ABTB3: variants seen among roughly 807,000 people sequenced by gnomAD.
The protein encoded by ABTB3 is ankyrin repeat and BTB domain containing 3, also known as ankyrin repeat- and BTB/POZ domain-containing protein 3.
chr12:107,389,969 T>C, the ABTB3 span, among the ~76,000 whole-genome samples: 1 of 152,088 alleles, frequency 6.6e-6, no homozygotes, highest in African/African-American at 2.4e-5. Context: ...GTGTTCTCTC[T>C]GCATGGTCTT....
At chr12:107,395,503 T>G in the ABTB3 span, among the ~76,000 whole-genome samples, 1 of 152,158 alleles carries the variant, frequency 6.6e-6, no homozygotes, top group Non-Finnish European at 1.5e-5. Flanking sequence ...TCACACTAGT[T>G]TTGTTAAACA....
At chr12:107,462,103 C>T in the ABTB3 span, among the ~76,000 whole-genome samples, 1 of 152,254 alleles carries the variant, frequency 6.6e-6, no homozygotes, top group East Asian at 1.9e-4. Flanking sequence ...TTTAGAAATT[C>T]CTTAGTAGAA....
chr12:107,381,098 C>T, the ABTB3 span, among the ~76,000 whole-genome samples: 107 of 151,206 alleles, frequency 7.1e-4, 1 homozygote, highest in African/African-American at 2.5e-3. Flanking sequence ...CACCCCCCAT[C>T]ATTACTCTCT....
the ABTB3 span, among the ~76,000 whole-genome samples, chr12:107,451,841 C>T: frequency 6.6e-6 from 1 of 152,218 alleles, no homozygotes; most frequent in Non-Finnish European, 1.5e-5. Flanking sequence ...ATAACAATCG[C>T]TAACAGGTGT....
chr12:107,533,990 A>G, the ABTB3 span, among the ~76,000 whole-genome samples: 2 of 152,238 alleles, frequency 1.3e-5, no homozygotes, highest in East Asian at 1.9e-4. Context: ...ATACATGGAC[A>G]CTAAACAACA....
At chr12:107,588,596 C>T in the ABTB3 span, among the ~76,000 whole-genome samples, 1 of 152,166 alleles carries the variant, frequency 6.6e-6, no homozygotes, top group Non-Finnish European at 1.5e-5. Flanking sequence ...TCTCAGCTCA[C>T]CTCAACCTCC....
chr12:107,620,262 G>A, the ABTB3 span: 1 of 1,466,828 alleles, frequency 6.8e-7, no homozygotes, highest in Non-Finnish European at 9.3e-7. Flanking sequence ...CCCTTTGAGT[G>A]GGATCACTAC....
chr12:107,339,998 G>T, the ABTB3 span, among the ~76,000 whole-genome samples: 4 of 151,584 alleles, frequency 2.6e-5, no homozygotes, highest in Admixed American at 2.0e-4. Flanking sequence ...TGAGGGCTCT[G>T]ATTTATCTGC....
the ABTB3 span, among the ~76,000 whole-genome samples, chr12:107,593,196 GT>G: frequency 2.0e-4 from 31 of 152,184 alleles, no homozygotes; most frequent in African/African-American, 6.8e-4. Context: ...AAGTAAAGTT[GT>G]GTGGGAAAAC....
chr12:107,613,018 C>T, the ABTB3 span: 1 of 757,684 alleles, frequency 1.3e-6, no homozygotes, highest in Non-Finnish European at 2.1e-6. Flanking sequence ...GTTGCTGTGG[C>T]CCTGGTGAGA....
chr12:107,620,031 C>T, the ABTB3 span: 1 of 1,614,116 alleles, frequency 6.2e-7, no homozygotes, highest in East Asian at 2.2e-5. Context: ...TTGCGGATCG[C>T]CTTCCAGCAG....
At chr12:107,583,518 ATTT>A in the ABTB3 span, among the ~76,000 whole-genome samples, 1 of 152,130 alleles carries the variant, frequency 6.6e-6, no homozygotes, top group Non-Finnish European at 1.5e-5. Flanking sequence ...ACCATGTGTC[ATTT>A]TTCTGCTCTC....
the ABTB3 span, among the ~76,000 whole-genome samples, chr12:107,556,526 C>A: frequency 1.3e-5 from 2 of 152,202 alleles, no homozygotes; most frequent in African/African-American, 2.4e-5. Flanking sequence ...ACCCTCTCAA[C>A]TGCATCCCAT....
At chr12:107,657,786 C>T in the ABTB3 span, 27 of 1,535,794 alleles carry the variant, frequency 1.8e-5, no homozygotes, top group Non-Finnish European at 5.4e-6. Flanking sequence ...TTTACACAAA[C>T]ACAGACAAAT....
At chr12:107,353,391 G>C in the ABTB3 span, among the ~76,000 whole-genome samples, 1 of 152,128 alleles carries the variant, frequency 6.6e-6, no homozygotes, top group Non-Finnish European at 1.5e-5. Flanking sequence ...CAGCTGTGTA[G>C]GGAGACAGAG....
the ABTB3 span, among the ~76,000 whole-genome samples, chr12:107,395,322 T>C: frequency 6.6e-6 from 1 of 152,288 alleles, no homozygotes; most frequent in South Asian, 2.1e-4. Flanking sequence ...TCCATGCTGA[T>C]CTTGGCCTCC....
At chr12:107,577,459 G>A in the ABTB3 span, among the ~76,000 whole-genome samples, 7 of 152,010 alleles carry the variant, frequency 4.6e-5, no homozygotes, top group Non-Finnish European at 1.0e-4. Flanking sequence ...TCCATCCTGG[G>A]TGGTCAGCCT....
At chr12:107,321,400 G>C in the ABTB3 span, among the ~76,000 whole-genome samples, 2 of 152,180 alleles carry the variant, frequency 1.3e-5, no homozygotes, top group East Asian at 1.9e-4. Context: ...TTTGGAAACC[G>C]ACCCTGCCGC....
chr12:107,488,985 A>G, the ABTB3 span, among the ~76,000 whole-genome samples: 1 of 152,196 alleles, frequency 6.6e-6, no homozygotes, highest in Non-Finnish European at 1.5e-5. Context: ...ATTATGAGAA[A>G]GAAAGGAAGA....
Sources: allele counts gnomAD v4.1 joint callset (sites outside exome capture counted in the v4.1 genomes callset), GRCh38; gene constraint gnomAD v4.1.1; transcripts MANE v1.5; gene names NCBI Gene and HGNC (gene_info 2026-07-23, HGNC 2026-07-21).